The following ATG16L2 variants were observed in gnomAD, a reference collection of about 807,000 sequenced individuals.
ATG16L2 encodes autophagy related 16 like 2, also known as protein Atg16l2.
In ATG16L2, 77 loss-of-function variants were observed where a neutral mutation model predicts 84.7. That is an observed-to-expected ratio of 0.91 (90% CI 0.76 to 1.10). ATG16L2 has a LOEUF of 1.10. Among genes scored for constraint, ATG16L2 ranks in the 50% least tolerant of loss-of-function variants. The pLI is 0.00. For synonymous variants in ATG16L2, 361 were observed against 342.8 expected (o/e 1.05, Z -0.59); for missense variants, 782 against 817.6 (o/e 0.96, Z 0.53).
At chr11:72,826,991 T>C (rs940409572) in intron 13 of ATG16L2, 168 bp downstream of exon 13, 4 of 930,616 alleles carry the variant, frequency 4.3e-6, no homozygotes, top group Admixed American at 2.8e-5. Context: ...CCAGTGGTGT[T>C]TTCTGTCTGG....
In ATG16L2 at chr11:72,828,632, C is replaced by T. The variant is rs542749997; in HGVS notation, c.1623-97C>T. On this transcript the variant is annotated intron_variant, in intron 15 of 17. Coordinates refer to ENST00000321297, the MANE Select transcript of ATG16L2 (RefSeq NM_033388.2). The stretch of plus-strand genomic sequence containing the variant: ...CTCCAGACCAGGTCCTGCTGAGGTA[C>T]CAAACCCCTCGACAAAGAGGAAGCT... The T allele has an allele frequency of 5.0e-6, 8 of 1,592,862 alleles. No individual in the cohort carries two copies. In the Admixed American group the frequency reaches 8.5e-5, roughly 17 times the overall value.
intron 13 of ATG16L2, 178 bp downstream of exon 13, chr11:72,827,001 G>A: frequency 1.1e-6 from 1 of 901,004 alleles, no homozygotes; most frequent in Non-Finnish European, 1.7e-6. Context: ...TTTCTGTCTG[G>A]TTTCTTGGTG....
At position 72,822,697 on chromosome 11, in the gene ATG16L2, G is replaced by T; in HGVS notation, c.711-151G>T. 8.9e-7 allele frequency: 1 copy of T among 1,126,438 alleles called. No homozygotes were observed. The highest frequency in any genetic ancestry group is 1.3e-6 in the Non-Finnish European group (1 of 790,116). The allele number at this position is 1,126,438 out of a possible 1,614,324, so 69.8% of individuals were successfully genotyped here. A position where few individuals can be genotyped will look rare whatever the true frequency, so the allele number is the denominator to read the frequency against. On this transcript the variant is annotated intron_variant, in intron 6 of 17. Coordinates refer to ENST00000321297, the MANE Select transcript of ATG16L2 (RefSeq NM_033388.2). This position sits in a 1 kb window ranked among gnomAD's most constrained non-coding sequence, Gnocchi z 4.2. The stretch of plus-strand genomic sequence containing the variant: ...CGAGACACCTGCAGAGGACCGTGTG[G>T]TCGTAGGAGCCTGCATGCGTGACCG...
intron 3 of ATG16L2, chr11:72,820,072 T>C (rs1859907319): frequency 1.3e-5 from 2 of 152,226 alleles, no homozygotes; most frequent in Admixed American, 6.5e-5. Context: ...AAAATTTCTC[T>C]AGTAGTTCCA....
chr11:72,843,669 G>C, exon 6 of ATG16L2: 1 of 635,412 alleles, frequency 1.6e-6, no homozygotes, highest in East Asian at 2.7e-5. Flanking sequence ...TTTAAATGCT[G>C]TAAAACTTTC....
downstream of ATG16L2, among the ~76,000 whole-genome samples, chr11:72,830,605 G>A (rs1860585491): frequency 6.6e-6 from 1 of 152,186 alleles, no homozygotes; most frequent in Non-Finnish European, 1.5e-5. Flanking sequence ...GAAGGGCTGG[G>A]ATTACAGGTG....
At chr11:72,832,183 TGCTTAGAGA>T (rs1431146006), downstream of ATG16L2, among the ~76,000 whole-genome samples, 1 of 152,200 alleles carries the variant, frequency 6.6e-6, no homozygotes, top group African/African-American at 2.4e-5. Flanking sequence ...TAGTGGAGAC[TGCTTAGAGA>T]GCCCAGAGGA....
Position 72,826,544 on chromosome 11 carries a change from C to A in ATG16L2, c.1200C>A (p.Tyr400Ter), listed in dbSNP as rs780039646. ...PSGYQVLAAT[Y>*]NQAAQLWKVG... is the part of the protein sequence containing the mutation. ...GCTACCAGGTTTTAGCAGCAACTTA[C>A]AACCAGGCTGCCCAGCTCTGGAAGG... Residue 400 changes from tyrosine to a stop codon, truncating the protein, a stop_gained, in exon 12 of 18, where the codon TAC becomes TAA. Transcript: ENST00000321297. LOFTEE classifies it high-confidence loss of function. 3 of 1,614,142 alleles carry A rather than the reference C, an allele frequency of 1.9e-6. No homozygotes were observed. The highest frequency in any genetic ancestry group is 1.7e-5 in the Admixed American group (1 of 60,022).
In ATG16L2 at chr11:72,816,779, T is replaced by G. The variant is rs1591292775; in HGVS notation, c.170T>G (p.Leu57Arg). The change falls in exon 2 of 18, where the codon CTG (leucine) becomes CGG (arginine). Residue 57 changes from leucine (L) to arginine (R), a missense_variant. By Grantham distance (102) the Leu-to-Arg change is moderately radical. Transcript: ENST00000321297. ...AELLDKFSKK[L>R]QPEPNSVTPT... is the part of the protein sequence containing the mutation. ...CTGCTGGACAAGTTCTCAAAGAAGC[T>G]GCAGCCGGAGCCAAACAGTGTCACT... 6.2e-7 allele frequency: 1 copy of G among 1,614,246 alleles called. No individual in the cohort carries two copies. Among genetic ancestry groups the G allele is most frequent in the African/African-American group, 1.3e-5 (1 of 75,072 alleles).
At chr11:72,819,836 C>T (rs1449904872) in intron 3 of ATG16L2, among the ~76,000 whole-genome samples, 2 of 152,078 alleles carry the variant, frequency 1.3e-5, no homozygotes, top group African/African-American at 4.8e-5. Flanking sequence ...ACCTCAGCCT[C>T]CCGGGTTCAC....
chr11:72,834,353 C>T (rs1008198219), downstream of ATG16L2, among the ~76,000 whole-genome samples: 11 of 152,186 alleles, frequency 7.2e-5, no homozygotes, highest in Non-Finnish European at 1.6e-4. Context: ...ATAGAGCAGC[C>T]TGGGATGCAG....
chr11:72,827,406 C>A, intron 14 of ATG16L2, 113 bp downstream of exon 14: 1 of 875,214 alleles, frequency 1.1e-6, no homozygotes, highest in Non-Finnish European at 1.8e-6. Context: ...TTTGGGCAGG[C>A]AAGGCTGTGG....
intron 15 of ATG16L2, 49 bp from the exon 16 acceptor site, chr11:72,828,680 A>G (rs1441425620): frequency 6.2e-7 from 1 of 1,610,564 alleles, no homozygotes; most frequent in East Asian, 2.2e-5. Context: ...TGCAGAGGGC[A>G]GAGACTAGTG....
exon 6 of ATG16L2, chr11:72,843,010 G>C (rs887664189): frequency 1.1e-6 from 1 of 928,904 alleles, no homozygotes; most frequent in Admixed American, 2.5e-5. Context: ...TACTGTGCAG[G>C]ACAAACGTGA....
At chr11:72,823,797 G>A (rs139239383) in intron 7 of ATG16L2, 1 of 591,296 alleles carries the variant, frequency 1.7e-6, no homozygotes, top group African/African-American at 1.8e-5. Flanking sequence ...AACTTTTGTT[G>A]GTGGGTACTA....
chr11:72,814,513 G>A lies in ATG16L2; in HGVS notation c.68G>A (p.Arg23Gln). The A allele has an allele frequency of 2.6e-6, 4 of 1,557,730 alleles. No individual in the cohort carries two copies. The highest frequency in any genetic ancestry group is 3.5e-6 in the Non-Finnish European group (4 of 1,151,094). Residue 23 changes from arginine to glutamine, a missense_variant, in exon 1 of 18, where the codon CGG (arginine) becomes CAG (glutamine). By Grantham distance (43) the Arg-to-Gln change is conservative. Coordinates refer to ENST00000321297, the MANE Select transcript of ATG16L2 (RefSeq NM_033388.2). ...AAACGCCACATCGTGCGGCAGCTGC[G>A]GCTTCGGGACCGTACGCAAAAGGCG... is the stretch of plus-strand genomic sequence containing the variant. ...RWKRHIVRQLRLRDRTQKALF... is the reference protein window; with the variant it reads ...RWKRHIVRQLQLRDRTQKALF...
At chr11:72,842,696 T>C in exon 6 of ATG16L2, 1 of 1,614,010 alleles carries the variant, frequency 6.2e-7, no homozygotes, top group Non-Finnish European at 8.5e-7. Flanking sequence ...ATGGGAAAAC[T>C]CCAATACGCC....
chr11:72,842,961 A>C, exon 6 of ATG16L2: 1 of 930,610 alleles, frequency 1.1e-6, no homozygotes, highest in Non-Finnish European at 1.6e-6. Flanking sequence ...TAAAGTTGTA[A>C]TTTTTTTACT....
intron 8 of ATG16L2, 102 bp from the exon 9 acceptor site, chr11:72,824,632 G>A: frequency 1.2e-6 from 1 of 855,212 alleles, no homozygotes; most frequent in Non-Finnish European, 2.0e-6. Flanking sequence ...TCTGCCGCCT[G>A]CCATGTCTGC....
Sources: allele counts gnomAD v4.1 joint callset (sites outside exome capture counted in the v4.1 genomes callset), GRCh38; gene constraint gnomAD v4.1.1; non-coding constraint Gnocchi (gnomAD v3.1); transcripts MANE v1.5; gene names NCBI Gene and HGNC (gene_info 2026-07-23, HGNC 2026-07-21).